Variants in XCR1 observed in about 807,000 individuals in gnomAD.
XCR1 encodes the protein chemokine XC receptor 1.
For synonymous variants in XCR1, 187 were observed against 188.5 expected (o/e 0.99, Z 0.06); for missense variants, 356 against 424.2 (o/e 0.84, Z 1.41).
rs556689485 is a variant in XCR1, at chr3:46,023,110, T to C, written c.-31-1132A>G. Among the ~76,000 whole-genome samples the C allele has an allele frequency of 2.6e-5, 4 of 152,286 alleles. No individual in the cohort carries two copies. In the South Asian group the frequency reaches 6.2e-4, roughly 24 times the overall value. On this transcript the variant is annotated intron_variant, in intron 1 of 1. Transcript: ENST00000309285. ...TTTAAAAACACCAGCGCGTGTGACG[T>C]CATGGCGCCGTGCGGGGTCGCGGCG...
chr3:46,064,084 C>T (rs569990005), intron 4 of XCR1, among the ~76,000 whole-genome samples: 7 of 152,172 alleles, frequency 4.6e-5, no homozygotes, highest in African/African-American at 1.7e-4. Context: ...TGTTGCCCAT[C>T]CTGGTCTCAA....
At chr3:46,075,105 T>C (rs1034777639) in intron 2 of XCR1, among the ~76,000 whole-genome samples, 5 of 152,050 alleles carry the variant, frequency 3.3e-5, no homozygotes, top group Non-Finnish European at 5.9e-5. Context: ...TACCCAATTT[T>C]AAGACTTATT....
At chr3:46,022,648 G>T (rs943526593) in intron 1 of XCR1, among the ~76,000 whole-genome samples, 2 of 152,178 alleles carry the variant, frequency 1.3e-5, no homozygotes, top group African/African-American at 4.8e-5. Context: ...TGAGGAGTCC[G>T]TTCAGTTAGT....
At chr3:46,062,812 T>C (rs763678818) in intron 4 of XCR1, among the ~76,000 whole-genome samples, 3 of 152,202 alleles carry the variant, frequency 2.0e-5, no homozygotes, top group Non-Finnish European at 4.4e-5. Context: ...TCGTCTCCGA[T>C]GGAACTCCTA....
intron 5 of XCR1, among the ~76,000 whole-genome samples, chr3:46,035,658 C>T (rs970917157): frequency 6.6e-6 from 1 of 152,204 alleles, no homozygotes; most frequent in African/African-American, 2.4e-5. Context: ...GAAGAACTGT[C>T]TTTGAAATTT....
intron 4 of XCR1, among the ~76,000 whole-genome samples, chr3:46,054,229 G>A (rs756803128): frequency 1.9e-4 from 29 of 152,166 alleles, no homozygotes; most frequent in Non-Finnish European, 3.8e-4. Flanking sequence ...GAAGGTGGGT[G>A]TGGAAGAAGG....
intron 3 of XCR1, among the ~76,000 whole-genome samples, chr3:46,074,112 T>C (rs1172722578): frequency 2.7e-5 from 4 of 150,872 alleles, no homozygotes; most frequent in African/African-American, 9.7e-5. Context: ...ATATCAGAGA[T>C]AACTTGCACA....
intron 5 of XCR1, among the ~76,000 whole-genome samples, chr3:46,048,816 A>G (rs1697683807): frequency 6.6e-6 from 1 of 152,126 alleles, no homozygotes; most frequent in Non-Finnish European, 1.5e-5. Context: ...AATAAGGCTA[A>G]ATATAGTTTT....
rs1207045639 is a variant in XCR1, at chr3:46,020,223, T to A, written c.*723A>T. Reference sequence around the variant, plus strand: ...TGGCCCCTGGAGGGTAGCAACTGTATCTCATTCATCTTTGTATTCTCTGAA... The same window carrying A: ...TGGCCCCTGGAGGGTAGCAACTGTAACTCATTCATCTTTGTATTCTCTGAA... On this transcript the variant is annotated 3_prime_UTR_variant, in exon 2 of 2. Transcript: ENST00000309285. 1 of 152,398 alleles carries A rather than the reference T, an allele frequency of 6.6e-6. No homozygotes were observed. The highest frequency in any genetic ancestry group is 2.4e-5 in the African/African-American group (1 of 41,594). The allele number at this position is 152,398 out of a possible 1,614,324, so 9.4% of individuals were successfully genotyped here.
chr3:46,026,297 C>T (rs1384443728), intron 1 of XCR1, among the ~76,000 whole-genome samples: 7 of 152,014 alleles, frequency 4.6e-5, no homozygotes, highest in Non-Finnish European at 7.4e-5. Flanking sequence ...AATCTCAAAC[C>T]CCTCCAAGTT....
At chr3:46,047,197 T>C (rs1025419210) in intron 5 of XCR1, among the ~76,000 whole-genome samples, 1 of 152,214 alleles carries the variant, frequency 6.6e-6, no homozygotes, top group Non-Finnish European at 1.5e-5. Flanking sequence ...ACAGAAGTTA[T>C]TAGTGTGACC....
At chr3:46,022,174 G>T (rs1304448670) in intron 1 of XCR1, 196 bp from the exon 2 acceptor site, 1 of 497,326 alleles carries the variant, frequency 2.0e-6, no homozygotes. Context: ...GGTGGCGCAT[G>T]CCTATAGTCC....
chr3:46,059,883 C>G (rs1310506029), intron 4 of XCR1, among the ~76,000 whole-genome samples: 1 of 152,218 alleles, frequency 6.6e-6, no homozygotes, highest in Non-Finnish European at 1.5e-5. Flanking sequence ...TTTCTATTAA[C>G]ATGATACAAC....
intron 1 of XCR1, chr3:46,023,687 A>G: frequency 6.7e-7 from 1 of 1,483,478 alleles, no homozygotes; most frequent in Middle Eastern, 2.1e-4. Flanking sequence ...CTTGAGATTC[A>G]GGGGATCTTT....
intron 5 of XCR1, among the ~76,000 whole-genome samples, chr3:46,049,288 G>A (rs545363809): frequency 1.3e-4 from 20 of 152,308 alleles, no homozygotes; most frequent in Admixed American, 1.3e-3. Context: ...GCCCTAATAT[G>A]CCTGTGAGAT....
At chr3:46,037,604 T>C (rs1454687331) in intron 5 of XCR1, among the ~76,000 whole-genome samples, 1 of 152,204 alleles carries the variant, frequency 6.6e-6, no homozygotes, top group Non-Finnish European at 1.5e-5. Flanking sequence ...TGTGTTTCTA[T>C]CTTTATGCAC....
chr3:46,074,746 G>C (rs543139226), intron 2 of XCR1, among the ~76,000 whole-genome samples: 16 of 151,890 alleles, frequency 1.1e-4, no homozygotes, highest in Non-Finnish European at 1.8e-4. Flanking sequence ...GGAGGGGTTG[G>C]TCTTACTGTT....
upstream of XCR1, among the ~76,000 whole-genome samples, chr3:46,028,383 G>T (rs1040167209): frequency 1.3e-5 from 2 of 151,550 alleles, no homozygotes; most frequent in Non-Finnish European, 2.9e-5. Context: ...GTATCTCTTT[G>T]TAGAAGTGTC....
chr3:46,056,640 AT>A (rs1187524730), intron 4 of XCR1, among the ~76,000 whole-genome samples: 1 of 132,934 alleles, frequency 7.5e-6, no homozygotes, highest in African/African-American at 2.8e-5. Context: ...CACCTGGCTA[AT>A]TTTTGTATTT....
Sources: gnomAD v4.1 joint callset for allele counts (sites outside exome capture counted in the v4.1 genomes callset) on GRCh38, gnomAD v4.1.1 for gene constraint, MANE v1.5 for transcripts, NCBI Gene and HGNC (gene_info 2026-07-23, HGNC 2026-07-21) for gene names.